FNIP2: variants seen among roughly 807,000 people sequenced by gnomAD.
The protein encoded by FNIP2 is folliculin-interacting protein 2.
In FNIP2, 32 loss-of-function variants were observed where a neutral mutation model predicts 108.7. That is an observed-to-expected ratio of 0.29 (90% CI 0.22 to 0.40). The LOEUF (loss-of-function observed/expected upper bound fraction) is 0.40. FNIP2 is among the 10% of genes least tolerant of loss of function. The probability of loss-of-function intolerance (pLI) is 1.00; values close to 1 mark genes in which losing one functional copy is unlikely to be tolerated. For missense variants in FNIP2, 1,202 were observed against 1,381.6 expected, an observed-to-expected ratio of 0.87 and a Z score of 2.06; for synonymous variants, 480 against 496.7, an observed-to-expected ratio of 0.97 and a Z score of 0.45.
At chr4:158,870,535 C>T (rs1780883650) in intron 14 of FNIP2, 66 bp downstream of exon 14, 2 of 1,536,624 alleles carry the variant, frequency 1.3e-6, no homozygotes. Flanking sequence ...TGGCTGACAA[C>T]AGGTGTTTAG....
At chr4:158,786,115 A>G (rs922186525) in intron 1 of FNIP2, among the ~76,000 whole-genome samples, 2 of 152,210 alleles carry the variant, frequency 1.3e-5, no homozygotes, top group East Asian at 3.8e-4. Context: ...TTACCTGGTG[A>G]AAAACTATTA....
At chr4:158,825,588 T>G (rs1248239522) in intron 1 of FNIP2, among the ~76,000 whole-genome samples, 2 of 152,236 alleles carry the variant, frequency 1.3e-5, no homozygotes, top group Non-Finnish European at 2.9e-5. Flanking sequence ...AATTTAGTCT[T>G]CTCTGCATGT....
At chr4:158,890,764 G>T (rs1483013750) in intron 14 of FNIP2, among the ~76,000 whole-genome samples, 2 of 152,318 alleles carry the variant, frequency 1.3e-5, no homozygotes, top group East Asian at 3.9e-4. Flanking sequence ...TGGACTACTT[G>T]AAGGTGTTTG....
At chr4:158,867,789 C>G (rs1012607096) in intron 12 of FNIP2, among the ~76,000 whole-genome samples, 35 of 152,178 alleles carry the variant, frequency 2.3e-4, no homozygotes, top group Admixed American at 2.3e-3. Flanking sequence ...CTGGCTTTAG[C>G]CTTCTTTGGG....
At chr4:158,862,991 A>C (rs1431882550) in intron 12 of FNIP2, among the ~76,000 whole-genome samples, 1 of 152,352 alleles carries the variant, frequency 6.6e-6, no homozygotes, top group Non-Finnish European at 1.5e-5. Context: ...GAGAGCCATT[A>C]ATTCCCTATG....
intron 1 of FNIP2, among the ~76,000 whole-genome samples, chr4:158,798,080 T>C (rs1776645983): frequency 6.6e-6 from 1 of 152,174 alleles, no homozygotes; most frequent in Non-Finnish European, 1.5e-5. Flanking sequence ...TTGTTGTTTT[T>C]TAGAGACAGG....
intron 15 of FNIP2, among the ~76,000 whole-genome samples, chr4:158,894,294 CT>C (rs1171610427): frequency 1.3e-5 from 2 of 151,676 alleles, no homozygotes; most frequent in African/African-American, 4.8e-5. Flanking sequence ...CCTCAGCCTC[CT>C]GATTAGCTAG....
rs1448175862 is a variant in FNIP2 at position 158,907,128 on chromosome 4, TCTAGCATGTTGC to T, written c.*2585_*2596del. 1 of 152,250 alleles carries T rather than the reference TCTAGCATGTTGC, an allele frequency of 6.6e-6. No homozygotes were observed. The highest frequency in any genetic ancestry group is 2.4e-5 in the African/African-American group (1 of 41,468). The allele number at this position is 152,250 out of a possible 1,614,324, so 9.4% of individuals were successfully genotyped here. ...TAAATGTCCCTGTGATGGACCTCTT[TCTAGCATGTTGC>T]AGTTTTATTTTTAATAAATTGGTAA... On this transcript the variant is annotated 3_prime_UTR_variant, in exon 17 of 17. Coordinates refer to ENST00000264433, the MANE Select transcript of FNIP2 (RefSeq NM_020840.3).
intron 1 of FNIP2, among the ~76,000 whole-genome samples, chr4:158,788,288 G>A (rs986488387): frequency 1.3e-5 from 2 of 152,184 alleles, no homozygotes; most frequent in Non-Finnish European, 2.9e-5. Context: ...TGTCCCCCTG[G>A]AGTATAATTG....
rs35063347 is a variant in FNIP2, at chr4:158,805,395, CT to C, written c.108-20516del. Among the ~76,000 whole-genome samples the C allele has an allele frequency of 3.8e-3, 572 of 152,258 alleles. 4 individuals are homozygous for C. Among genetic ancestry groups the C allele is most frequent in the African/African-American group, 0.013 (521 of 41,534 alleles). The stretch of plus-strand genomic sequence containing the variant: ...ATATTGATTCTGTAGCATTGTTCTC[CT>C]TTTTCAGATGAAGAATATTAGTGTC... On this transcript the variant is annotated intron_variant, in intron 1 of 16. Coordinates refer to ENST00000264433, the MANE Select transcript of FNIP2 (RefSeq NM_020840.3).
chr4:158,840,304 T>A (rs1346100155), intron 7 of FNIP2, among the ~76,000 whole-genome samples: 1 of 152,218 alleles, frequency 6.6e-6, no homozygotes, highest in Non-Finnish European at 1.5e-5. Flanking sequence ...AATGTCTACA[T>A]GTTCTCCAGT....
chr4:158,906,641 G>A lies in FNIP2; in HGVS notation c.*2097G>A, dbSNP rs1313875486. ...TTGGAAAACTACAGGTGGGTCACAT[G>A]TGGGGGCTGTCTCCGTGACACTCAG... On this transcript the variant is annotated 3_prime_UTR_variant, in exon 17 of 17. Transcript: ENST00000264433. 2.0e-5 allele frequency: 3 copies of A among 152,198 alleles called. No homozygotes were observed. Among genetic ancestry groups the A allele is most frequent in the Non-Finnish European group, 4.4e-5 (3 of 68,024 alleles). The allele number at this position is 152,198 out of a possible 1,614,324, so 9.4% of individuals were successfully genotyped here. A position where few individuals can be genotyped will look rare whatever the true frequency, so the allele number is the denominator to read the frequency against.
chr4:158,791,825 G>T (rs1266739037), intron 1 of FNIP2, among the ~76,000 whole-genome samples: 1 of 152,038 alleles, frequency 6.6e-6, no homozygotes, highest in Non-Finnish European at 1.5e-5. Flanking sequence ...CAGTAATCTC[G>T]AGTGCAAGCA....
At chr4:158,818,257 T>A (rs1777684515) in intron 1 of FNIP2, among the ~76,000 whole-genome samples, 1 of 152,236 alleles carries the variant, frequency 6.6e-6, no homozygotes, top group Non-Finnish European at 1.5e-5. Context: ...ATTTACATAT[T>A]GTTTTAGTGG....
rs778867777 is a variant in FNIP2 at position 158,895,874 on chromosome 4, T to C, written c.3266+9T>C. 1.3e-5 allele frequency: 20 copies of C among 1,586,404 alleles called. No individual in the cohort carries two copies. In the Admixed American group the frequency reaches 3.4e-4, roughly 27 times the overall value. ...TTAGGTGTCGTACTGGGGTGAGTTC[T>C]GTGAAGTGCCGTCACTTGTCCCTTT... On this transcript the variant is annotated intron_variant, in intron 16 of 16. Transcript: ENST00000264433.
At chr4:158,865,761 G>T (rs1780542029) in intron 12 of FNIP2, among the ~76,000 whole-genome samples, 1 of 152,114 alleles carries the variant, frequency 6.6e-6, no homozygotes, top group Admixed American at 6.5e-5. Context: ...TCTTAGAAAG[G>T]TTTTCTCAAA....
At chr4:158,896,091 C>A (rs1443695030) in intron 16 of FNIP2, among the ~76,000 whole-genome samples, 1 of 152,100 alleles carries the variant, frequency 6.6e-6, no homozygotes, top group Non-Finnish European at 1.5e-5. Flanking sequence ...TTAGGCTGGT[C>A]GTGCTTTGTT....
chr4:158,858,891 G>C (rs1379990709), intron 8 of FNIP2, among the ~76,000 whole-genome samples, 166 bp from the exon 9 acceptor site: 5 of 152,338 alleles, frequency 3.3e-5, no homozygotes, highest in Non-Finnish European at 5.9e-5. Flanking sequence ...CAGGCAAGCT[G>C]ATGTTCTCAT....
At chr4:158,787,014 G>T (rs1316367446) in intron 1 of FNIP2, among the ~76,000 whole-genome samples, 2 of 151,516 alleles carry the variant, frequency 1.3e-5, no homozygotes, top group Admixed American at 1.3e-4. Flanking sequence ...GTGACTTTTT[G>T]AATTTTACAG....
Sources: allele counts gnomAD v4.1 joint callset (sites outside exome capture counted in the v4.1 genomes callset), GRCh38; gene constraint gnomAD v4.1.1; transcripts MANE v1.5; gene names NCBI Gene and HGNC (gene_info 2026-07-23, HGNC 2026-07-21).